Variants in TREML2 observed in about 807,000 individuals in gnomAD.
TREML2 encodes trem-like transcript 2 protein.
Under a neutral mutation model 25.9 loss-of-function variants are expected in TREML2, and 24 were observed. The ratio of observed to expected loss-of-function variants is 0.93; its 90% CI spans 0.67 to 1.30. The LOEUF (loss-of-function observed/expected upper bound fraction) is 1.30. Among genes scored for constraint, TREML2 ranks in the 50% most tolerant of loss-of-function variants. The pLI is 0.00. For missense variants in TREML2, 359 were observed against 395.6 expected, an observed-to-expected ratio of 0.91 and a Z score of 0.78; for synonymous variants, 139 against 155.2, an observed-to-expected ratio of 0.90 and a Z score of 0.77.
At chr6:41,196,846 A>G (rs1284359083) in intron 2 of TREML2, among the ~76,000 whole-genome samples, 1 of 152,240 alleles carries the variant, frequency 6.6e-6, no homozygotes, top group Non-Finnish European at 1.5e-5. Context: ...AGCTCCAGGC[A>G]GGTATATCAC....
chr6:41,192,692 G>T, intron 4 of TREML2, 109 bp downstream of exon 4: 1 of 1,201,836 alleles, frequency 8.3e-7, no homozygotes, highest in South Asian at 1.3e-5. Context: ...TAGTCCTTTT[G>T]ACTGGACACA....
intron 4 of TREML2, 65 bp downstream of exon 4, chr6:41,192,736 C>T (rs553481677): frequency 1.4e-6 from 2 of 1,457,422 alleles, no homozygotes; most frequent in East Asian, 2.4e-5. Flanking sequence ...GACTCGAGGT[C>T]ATAACCCTTA....
chr6:41,198,865 G>T (rs540849394), intron 1 of TREML2, among the ~76,000 whole-genome samples: 92 of 152,114 alleles, frequency 6.0e-4, no homozygotes, highest in African/African-American at 2.0e-3. Flanking sequence ...GTTTTGTTTT[G>T]TTTTGTTTTG....
chr6:41,194,364 A>C, intron 3 of TREML2, 61 bp downstream of exon 3: 1 of 1,452,262 alleles, frequency 6.9e-7, no homozygotes. Flanking sequence ...TAAGACTTGC[A>C]CCTCCAGGTC....
In TREML2 at chr6:41,198,318, C is replaced by T; in HGVS notation, c.167G>A (p.Cys56Tyr). 6.2e-7 allele frequency: 1 copy of T among 1,614,230 alleles called. No homozygotes were observed. Among genetic ancestry groups the T allele is most frequent in the Non-Finnish European group, 8.5e-7 (1 of 1,180,036 alleles). Residue 56 changes from cysteine to tyrosine, a missense_variant, in exon 2 of 5, where the codon TGC becomes TAC. Cys to Tyr is a radical substitution (Grantham distance 194, BLOSUM62 -2). Coordinates refer to ENST00000483722, the MANE Select transcript of TREML2 (RefSeq NM_024807.4). ...YKNRVEGKVW[C>Y]KIRKKKCEPG... ...CTCACACTTCTTCTTCCTGATTTTGCACCAAACCTTGCCCTCCACGCGGTT... is the reference window on the plus strand; with the variant it reads ...CTCACACTTCTTCTTCCTGATTTTGTACCAAACCTTGCCCTCCACGCGGTT...
Position 41,200,985 on chromosome 6 carries a change from C to A in TREML2, c.24G>T (p.Leu8=). 6.3e-7 allele frequency: 1 copy of A among 1,591,234 alleles called. No homozygotes were observed. The highest frequency in any genetic ancestry group is 8.6e-7 in the Non-Finnish European group (1 of 1,168,750). The change falls in exon 1 of 5, where the codon CTG becomes CTT. Residue 8 remains leucine, a synonymous_variant. Coordinates refer to ENST00000483722, the MANE Select transcript of TREML2 (RefSeq NM_024807.4). MAPAFLL[L]LLLWPQGCVS... ...CGCAACCCTGTGGCCACAGCAGCAG[C>A]AGCAGCAGGAAGGCTGGGGCCATGG...
At chr6:41,192,932 G>C in intron 3 of TREML2, 31 bp from the exon 4 acceptor site, 1 of 1,507,532 alleles carries the variant, frequency 6.6e-7, no homozygotes, top group Non-Finnish European at 8.9e-7. Context: ...GGAAGCGGGT[G>C]AGCACCAAGG....
Position 41,194,593 on chromosome 6 carries a change from A to G in TREML2, c.617T>C (p.Met206Thr), listed in dbSNP as rs1582096570. The change falls in exon 3 of 5, where the codon ATG (methionine) becomes ACG (threonine). Residue 206 changes from methionine to threonine, a missense_variant. By Grantham distance (81) the Met-to-Thr change is moderately conservative (BLOSUM62 -1). Coordinates refer to ENST00000483722, the MANE Select transcript of TREML2 (RefSeq NM_024807.4). ...STTSQGPRRT[M>T]GSQTVTASPS... is the part of the protein sequence containing the mutation. ...AGACGCGGTCACTGTCTGGGACCCCATGGTCCTCCTGGGTCCCTGGCTGGT... is the reference window on the plus strand; with the variant it reads ...AGACGCGGTCACTGTCTGGGACCCCGTGGTCCTCCTGGGTCCCTGGCTGGT... 4 of 1,614,086 alleles carry G rather than the reference A, an allele frequency of 2.5e-6. No homozygotes were observed. Among genetic ancestry groups the G allele is most frequent in the Non-Finnish European group, 3.4e-6 (4 of 1,180,016 alleles).
Position 41,198,571 on chromosome 6 carries a change from C to T in TREML2, c.56-142G>A, listed in dbSNP as rs187352312. ...ACAGATTGAGGGGGAAATACAGCCC[C>T]GCCTTCAGGGAGCTTGCCCCAATCT... On this transcript the variant is annotated intron_variant, in intron 1 of 4. Coordinates refer to ENST00000483722, the MANE Select transcript of TREML2 (RefSeq NM_024807.4). 5.7e-4 allele frequency: 533 copies of T among 940,550 alleles called. 1 individual carries two copies. The highest frequency in any genetic ancestry group is 7.3e-4 in the Non-Finnish European group (470 of 641,286). The allele number at this position is 940,550 out of a possible 1,614,324, so 58.3% of individuals were successfully genotyped here. A position where few individuals can be genotyped will look rare whatever the true frequency, so the allele number is the denominator to read the frequency against.
At chr6:41,198,657 C>G (rs1490000675) in intron 1 of TREML2, among the ~76,000 whole-genome samples, 2 of 152,158 alleles carry the variant, frequency 1.3e-5, no homozygotes, top group Non-Finnish European at 2.9e-5. Flanking sequence ...GAGACACAAC[C>G]CCCGCTCTCA....
intron 1 of TREML2, among the ~76,000 whole-genome samples, chr6:41,199,541 G>T (rs1157170315): frequency 2.6e-5 from 4 of 152,168 alleles, no homozygotes; most frequent in Admixed American, 2.6e-4. Context: ...GTAAGATGTG[G>T]TCCAAGCCTT....
chr6:41,197,583 CCCA>C (rs1398602665), intron 2 of TREML2, among the ~76,000 whole-genome samples: 1 of 152,128 alleles, frequency 6.6e-6, no homozygotes, highest in Non-Finnish European at 1.5e-5. Flanking sequence ...CAGTAGCTCC[CCCA>C]CCACCGAGTC....
rs1218817013 is a variant in TREML2 at position 41,192,414 on chromosome 6, T to C, written c.*13A>G. ...ACTCTGGGAGAAGCTCCCCACCCCA[T>C]GCTTAAGTGGCCTCAGATCAAGTAG... On this transcript the variant is annotated 3_prime_UTR_variant, in exon 5 of 5. Transcript: ENST00000483722. 1.9e-6 allele frequency: 3 copies of C among 1,612,366 alleles called. No homozygotes were observed. The highest frequency in any genetic ancestry group is 1.1e-5 in the South Asian group (1 of 90,906).
At position 41,190,780 on chromosome 6, in the gene TREML2, G is replaced by A. The variant is rs1010122982; in HGVS notation, c.*1647C>T. On this transcript the variant is annotated 3_prime_UTR_variant, in exon 5 of 5. Transcript: ENST00000483722. Reference sequence around the variant, plus strand: ...TCTCCTAGTATACAACAGGATGGTGGCTACACCGTCATGATAGGGAGAACA... The same window carrying A: ...TCTCCTAGTATACAACAGGATGGTGACTACACCGTCATGATAGGGAGAACA... 9.9e-5 allele frequency: 15 copies of A among 152,208 alleles called. No homozygotes were observed. Among genetic ancestry groups the A allele is most frequent in the African/African-American group, 3.6e-4 (15 of 41,420 alleles). 9.4% of individuals were successfully genotyped at this position (152,208 alleles called of 1,614,324 possible). A position where few individuals can be genotyped will look rare whatever the true frequency, so the allele number is the denominator to read the frequency against.
Position 41,191,168 on chromosome 6 carries a change from CCTGTGTGT to C in TREML2, c.*1251_*1258del, listed in dbSNP as rs374130689. The C allele has an allele frequency of 0.025, 2,942 of 119,994 alleles. 49 individuals are homozygous for C. Among genetic ancestry groups the C allele is most frequent in the South Asian group, 0.058 (204 of 3,492 alleles). The allele number at this position is 119,994 out of a possible 1,614,324, so 7.4% of individuals were successfully genotyped here. A position where few individuals can be genotyped will look rare whatever the true frequency, so the allele number is the denominator to read the frequency against. ...TCCAGTCACTCCAGGTCAGTAGACA[CCTGTGTGT>C]GTGTGTGTGTGTGTGTGTGTGTGTG... On this transcript the variant is annotated 3_prime_UTR_variant, in exon 5 of 5. Coordinates refer to ENST00000483722, the MANE Select transcript of TREML2 (RefSeq NM_024807.4).
intron 3 of TREML2, among the ~76,000 whole-genome samples, chr6:41,194,119 G>A (rs1198191792): frequency 1.3e-4 from 6 of 46,920 alleles, no homozygotes; most frequent in Admixed American, 6.5e-4. Context: ...CTCCTCCCCC[G>A]ACCCTCCTTT....
rs1442809542 is a variant in TREML2, at chr6:41,201,009, G to T, written c.-1C>A. 1 of 1,607,794 alleles carries T rather than the reference G, an allele frequency of 6.2e-7. No homozygotes were observed. Among genetic ancestry groups the T allele is most frequent in the African/African-American group, 1.3e-5 (1 of 74,914 alleles). ...GCAGCAGCAGGAAGGCTGGGGCCAT[G>T]GTTCCATCCAGCTGGGCAGTGTCAG... is the stretch of plus-strand genomic sequence containing the variant. On this transcript the variant is annotated 5_prime_UTR_variant, in exon 1 of 5. Transcript: ENST00000483722.
chr6:41,192,119 T>G lies in TREML2; in HGVS notation c.*308A>C. 2.7e-6 allele frequency: 1 copy of G among 375,942 alleles called. No individual in the cohort carries two copies. The highest frequency in any genetic ancestry group is 2.0e-5 in the African/African-American group (1 of 49,412). 23.3% of individuals were successfully genotyped at this position (375,942 alleles called of 1,614,324 possible). A position where few individuals can be genotyped will look rare whatever the true frequency, so the allele number is the denominator to read the frequency against. On this transcript the variant is annotated 3_prime_UTR_variant, in exon 5 of 5. Transcript: ENST00000483722. ...TTCTCTGTAAACAGCACTCTCAGGG[T>G]TCCCCTGCCTCCACCAAGAGCCCTG...
intron 3 of TREML2, 79 bp downstream of exon 3, chr6:41,194,346 G>A: frequency 7.2e-7 from 1 of 1,394,756 alleles, no homozygotes; most frequent in East Asian, 2.5e-5. Flanking sequence ...AAAGGGGAAG[G>A]TCAGATATAA....
Sources: allele counts gnomAD v4.1 joint callset (sites outside exome capture counted in the v4.1 genomes callset), GRCh38; gene constraint gnomAD v4.1.1; transcripts MANE v1.5; gene names NCBI Gene and HGNC (gene_info 2026-07-23, HGNC 2026-07-21).